The following GINS3 variants were observed in gnomAD, a reference collection of about 807,000 sequenced individuals.
The protein encoded by GINS3 is GINS complex subunit 3.
Under a neutral mutation model 20.0 loss-of-function variants are expected in GINS3, and 18 were observed. The ratio of observed to expected loss-of-function variants is 0.90; its 90% CI spans 0.62 to 1.33. The LOEUF (loss-of-function observed/expected upper bound fraction) is 1.33. GINS3 is among the 40% of genes most tolerant of loss of function. GINS3 has a pLI of 0.00. For missense variants in GINS3, 254 were observed against 273.6 expected (o/e 0.93, Z 0.51); for synonymous variants, 109 against 107.0 (o/e 1.02, Z -0.12).
At chr16:58,404,470 C>G (rs1263533610) in intron 2 of GINS3, 29 bp from the exon 3 acceptor site, 1 of 1,511,392 alleles carries the variant, frequency 6.6e-7, no homozygotes, top group East Asian at 2.3e-5. Context: ...GAGGTCAACC[C>G]TGACTTGTCT....
Position 58,404,620 on chromosome 16 carries a change from A to G in GINS3, c.542A>G (p.Lys181Arg), listed in dbSNP as rs1966003499. The change falls in exon 3 of 3, where the codon AAA becomes AGA. Residue 181 changes from lysine to arginine, a missense_variant. Physicochemically the swap from Lys to Arg is conservative, Grantham distance 26. Coordinates refer to ENST00000318129, the MANE Select transcript of GINS3 (RefSeq NM_022770.4). ...MERGLFQTGQ[K>R]GLNDFQCWEK... ...AGGGGCTTATTTCAAACAGGGCAGA[A>G]AGGACTGAATGACTTTCAGTGTTGG... 6.2e-7 allele frequency: 1 copy of G among 1,614,106 alleles called. No individual in the cohort carries two copies. Among genetic ancestry groups the G allele is most frequent in the Non-Finnish European group, 8.5e-7 (1 of 1,179,940 alleles).
At chr16:58,394,679 C>T (rs1056524197) in intron 1 of GINS3, among the ~76,000 whole-genome samples, 3 of 152,140 alleles carry the variant, frequency 2.0e-5, no homozygotes, top group African/African-American at 7.2e-5. Flanking sequence ...CTTTTTTTCT[C>T]AGCATTAGAC....
chr16:58,404,748 A>G lies in GINS3; in HGVS notation c.*19A>G, dbSNP rs11649008. ...AGACTGAAAGCCGGAAGAACACAGA[A>G]TGGCTCCTCACAGACGTATCCCTCC... On this transcript the variant is annotated 3_prime_UTR_variant, in exon 3 of 3. Transcript: ENST00000318129. 0.074 allele frequency: 115,928 copies of G among 1,569,990 alleles called. 6,387 individuals carry two copies. The highest frequency in any genetic ancestry group is 0.28 in the African/African-American group (20,544 of 74,104).
Position 58,392,580 on chromosome 16 carries a change from C to T in GINS3, c.-22C>T, listed in dbSNP as rs779978571. On this transcript the variant is annotated 5_prime_UTR_variant, in exon 1 of 3. Coordinates refer to ENST00000318129, the MANE Select transcript of GINS3 (RefSeq NM_022770.4). ...CTCCTCCGAATCACGCGAGTGGAAG[C>T]GGAGAAGCTCAAGTGGCCGCCATGT... 6.2e-7 allele frequency: 1 copy of T among 1,611,632 alleles called. No individual in the cohort carries two copies. Among genetic ancestry groups the T allele is most frequent in the East Asian group, 2.2e-5 (1 of 44,838 alleles).
At chr16:58,403,500 C>T (rs1377846547) in intron 2 of GINS3, 169 bp downstream of exon 2, 7 of 568,088 alleles carry the variant, frequency 1.2e-5, no homozygotes, top group Non-Finnish European at 1.9e-5. Flanking sequence ...TATATACACA[C>T]ACACACACAC....
At position 58,405,736 on chromosome 16, in the gene GINS3, C is replaced by T. The variant is rs1261622452; in HGVS notation, c.*1007C>T. 6.6e-6 allele frequency: 1 copy of T among 152,212 alleles called. No individual in the cohort carries two copies. The highest frequency in any genetic ancestry group is 1.5e-5 in the Non-Finnish European group (1 of 68,044). 9.4% of individuals were successfully genotyped at this position (152,212 alleles called of 1,614,324 possible). Reference sequence around the variant, plus strand: ...GGAACCTGGTTAAGCAAGCACTAATCTCTTTTCCTGGAGATCAAGGATGCA... The same window carrying T: ...GGAACCTGGTTAAGCAAGCACTAATTTCTTTTCCTGGAGATCAAGGATGCA... On this transcript the variant is annotated 3_prime_UTR_variant, in exon 3 of 3. Transcript: ENST00000318129.
At chr16:58,397,218 C>T (rs1306177990) in intron 1 of GINS3, among the ~76,000 whole-genome samples, 2 of 151,116 alleles carry the variant, frequency 1.3e-5, no homozygotes, top group African/African-American at 4.9e-5. Context: ...ACGGGGCGGC[C>T]GGGCAGAGAT....
intron 2 of GINS3, 56 bp from the exon 3 acceptor site, chr16:58,404,443 A>G (rs895626112): frequency 2.7e-6 from 3 of 1,101,944 alleles, no homozygotes; most frequent in Non-Finnish European, 4.1e-6. Flanking sequence ...AAAAATGGAT[A>G]TGACTTTGTG....
rs1166123703 is a variant in GINS3 at position 58,405,813 on chromosome 16, A to G, written c.*1084A>G. 1 of 152,218 alleles carries G rather than the reference A, an allele frequency of 6.6e-6. No individual in the cohort carries two copies. Among genetic ancestry groups the G allele is most frequent in the Non-Finnish European group, 1.5e-5 (1 of 68,030 alleles). The allele number at this position is 152,218 out of a possible 1,614,324, so 9.4% of individuals were successfully genotyped here. ...TCCCTGGGCCCATTAGACTGTTTGC[A>G]GGGCATCACTGCTTCCCCCTGACAC... On this transcript the variant is annotated 3_prime_UTR_variant, in exon 3 of 3. Transcript: ENST00000318129.
intron 1 of GINS3, among the ~76,000 whole-genome samples, chr16:58,398,136 CCA>C (rs370877585): frequency 8.7e-5 from 13 of 150,250 alleles, no homozygotes; most frequent in East Asian, 5.8e-4. Flanking sequence ...AATTCTCCCA[CCA>C]CACACACACA....
intron 1 of GINS3, among the ~76,000 whole-genome samples, chr16:58,394,407 C>A (rs1473731555): frequency 6.6e-6 from 1 of 152,114 alleles, no homozygotes; most frequent in Non-Finnish European, 1.5e-5. Context: ...AGTGCAGTGG[C>A]ATAATCTCAG....
intron 1 of GINS3, among the ~76,000 whole-genome samples, chr16:58,395,507 T>C (rs960629580): frequency 6.6e-6 from 1 of 151,792 alleles, no homozygotes; most frequent in South Asian, 2.1e-4. Flanking sequence ...CCCTGGGTAC[T>C]TGAGATTAGG....
At chr16:58,402,911 A>G (rs2151495300) in intron 1 of GINS3, 187 bp from the exon 2 acceptor site, 2 of 590,148 alleles carry the variant, frequency 3.4e-6, no homozygotes, top group South Asian at 2.1e-5. Flanking sequence ...TCTCCATTCC[A>G]TCATCACATA....
intron 1 of GINS3, chr16:58,395,273 T>A: frequency 5.4e-6 from 1 of 184,000 alleles, no homozygotes. Context: ...CTAAATTTTC[T>A]TTTTTTTTTT....
intron 1 of GINS3, among the ~76,000 whole-genome samples, chr16:58,397,300 G>T (rs1355318805): frequency 6.6e-6 from 1 of 150,864 alleles, no homozygotes; most frequent in Non-Finnish European, 1.5e-5. Context: ...CGGCCGGGCA[G>T]AGACGCTCCT....
At chr16:58,393,657 A>G (rs886941099) in intron 1 of GINS3, 8 of 152,084 alleles carry the variant, frequency 5.3e-5, no homozygotes, top group Admixed American at 4.6e-4. Context: ...CCTGGCCAAC[A>G]TGGTGAAACC....
At chr16:58,396,446 C>T (rs1392733696) in intron 1 of GINS3, among the ~76,000 whole-genome samples, 1 of 100,148 alleles carries the variant, frequency 1.0e-5, no homozygotes, top group Non-Finnish European at 2.1e-5. Context: ...AGGGGCTCCT[C>T]ACTTCCCAGT....
rs1005313887 is a variant in GINS3, at chr16:58,403,255, A to G, written c.344A>G (p.His115Arg). ...GTGGACCTCCACAAAATGGGGCCCC[A>G]TTTCTACGGGTTTGGCTCCCAGCTC... is the stretch of plus-strand genomic sequence containing the variant. ...NVVDLHKMGP[H>R]FYGFGSQLLH... The change falls in exon 2 of 3, where the codon CAT (histidine) becomes CGT (arginine). Residue 115 changes from histidine to arginine, a missense_variant. Physicochemically the swap from His to Arg is conservative, Grantham distance 29. Transcript: ENST00000318129. 6.2e-7 allele frequency: 1 copy of G among 1,614,032 alleles called. No homozygotes were observed. The highest frequency in any genetic ancestry group is 8.5e-7 in the Non-Finnish European group (1 of 1,180,000).
intron 1 of GINS3, among the ~76,000 whole-genome samples, chr16:58,395,662 C>T (rs1965843384): frequency 6.6e-6 from 1 of 152,156 alleles, no homozygotes; most frequent in African/African-American, 2.4e-5. Context: ...GGTCACAGAT[C>T]AACAGGATCC....
Sources: allele counts gnomAD v4.1 joint callset (sites outside exome capture counted in the v4.1 genomes callset), GRCh38; gene constraint gnomAD v4.1.1; transcripts MANE v1.5; gene names NCBI Gene and HGNC (gene_info 2026-07-23, HGNC 2026-07-21).